Variants in ZNF92 observed in about 807,000 individuals in gnomAD.
The protein encoded by ZNF92 is epididymis luminal protein 203.
ZNF92 carries 11 observed loss-of-function variants against 12.4 expected under a neutral mutation model. The ratio of observed to expected loss-of-function variants is 0.89; its 90% CI spans 0.56 to 1.47. The LOEUF (loss-of-function observed/expected upper bound fraction) is 1.47. Ranked by LOEUF, ZNF92 falls within the 40% of genes most tolerant of loss-of-function variation. The pLI, the probability that ZNF92 is intolerant of heterozygous loss-of-function variation, is 0.00. For missense variants in ZNF92, 622 were observed against 681.0 expected (o/e 0.91, Z 0.96); for synonymous variants, 206 against 228.6 (o/e 0.90, Z 0.89).
intron 1 of ZNF92, among the ~76,000 whole-genome samples, chr7:65,387,402 T>TC (rs1420765258): frequency 1.3e-5 from 2 of 151,896 alleles, no homozygotes; most frequent in Non-Finnish European, 2.9e-5. Context: ...CCCACACTCC[T>TC]CCCCCTTACT....
Position 65,398,817 on chromosome 7 carries a change from G to A in ZNF92, c.703G>A (p.Gly235Ser). The change falls in exon 4 of 4, where the codon GGC becomes AGC. Residue 235 changes from glycine (G) to serine (S), a missense_variant. Physicochemically the swap from Gly to Ser is moderately conservative, Grantham distance 56 (BLOSUM62 0). Transcript: ENST00000328747. Reference sequence around the variant, plus strand: ...AAAACCCTACAAATGTGAAGAATGTGGCAAAGCTTTTAACCGGTCCTCAAA... The same window carrying A: ...AAAACCCTACAAATGTGAAGAATGTAGCAAAGCTTTTAACCGGTCCTCAAA... The part of the protein sequence containing the change: ...GEKPYKCEEC[G>S]KAFNRSSNLT... 6.2e-7 allele frequency: 1 copy of A among 1,612,764 alleles called. No individual in the cohort carries two copies. The highest frequency in any genetic ancestry group is 1.1e-5 in the South Asian group (1 of 90,984).
At chr7:65,379,684 C>T (rs2116341572) in intron 1 of ZNF92, among the ~76,000 whole-genome samples, 1 of 152,174 alleles carries the variant, frequency 6.6e-6, no homozygotes, top group East Asian at 1.9e-4. Context: ...CTGGCATATC[C>T]CCACCTCCAC....
intron 1 of ZNF92, among the ~76,000 whole-genome samples, chr7:65,379,856 C>G (rs1793356580): frequency 6.6e-6 from 1 of 152,236 alleles, no homozygotes; most frequent in South Asian, 2.1e-4. Context: ...CACTCTCCCC[C>G]ACCCATGGAT....
rs2116423797 is a variant in ZNF92 at position 65,400,948 on chromosome 7, GAA to G, written c.*1074_*1075del. ...AGAGATGCTCTTTGTGATTAACTTA[GAA>G]TATTAAGTGCTACTTGAGGTACATG... On this transcript the variant is annotated 3_prime_UTR_variant, in exon 4 of 4. Transcript: ENST00000328747. The G allele has an allele frequency of 6.6e-6, 1 of 152,064 alleles. No homozygotes were observed. The highest frequency in any genetic ancestry group is 2.4e-5 in the African/African-American group (1 of 41,530). 9.4% of individuals were successfully genotyped at this position (152,064 alleles called of 1,614,324 possible).
chr7:65,394,518 T>A (rs886621456), intron 3 of ZNF92, among the ~76,000 whole-genome samples: 1 of 152,162 alleles, frequency 6.6e-6, no homozygotes, highest in Non-Finnish European at 1.5e-5. Flanking sequence ...GTTTGGATAG[T>A]TATAGATTTT....
chr7:65,376,416 T>C (rs189357455), intron 1 of ZNF92, among the ~76,000 whole-genome samples: 1 of 152,186 alleles, frequency 6.6e-6, no homozygotes, highest in African/African-American at 2.4e-5. Context: ...CTTTTTTGTT[T>C]TTCCCAGAAT....
chr7:65,393,274 A>C (rs965247987), intron 3 of ZNF92, among the ~76,000 whole-genome samples: 1 of 152,126 alleles, frequency 6.6e-6, no homozygotes, highest in African/African-American at 2.4e-5. Flanking sequence ...AGTATCCATC[A>C]TTTTGTTACT....
chr7:65,389,929 TCACAC>T (rs1793667113), intron 3 of ZNF92, among the ~76,000 whole-genome samples: 1 of 151,924 alleles, frequency 6.6e-6, no homozygotes, highest in Non-Finnish European at 1.5e-5. Flanking sequence ...CCTCCCGAGT[TCACAC>T]CATTCTCCTG....
rs560512985 is a variant in ZNF92 at position 65,380,340 on chromosome 7, A to G, written c.3+6340A>G. Among the ~76,000 whole-genome samples the G allele has an allele frequency of 3.9e-5, 6 of 152,122 alleles. No individual in the cohort carries two copies. The South Asian group carries it at 1.0e-3, about 26-fold the overall frequency. On this transcript the variant is annotated intron_variant, in intron 1 of 3. Coordinates refer to ENST00000328747, the MANE Select transcript of ZNF92 (RefSeq NM_152626.4). ...CAGTGGTGTGATCTTGGCTCACTGC[A>G]GCCTCAATCTCAATCTCCTGGGCTC...
rs114015404 is a variant in ZNF92, at chr7:65,380,215, A to G, written c.3+6215A>G. On this transcript the variant is annotated intron_variant, in intron 1 of 3. Transcript: ENST00000328747. ...TCTTGTTCTTGTTTTATGGCCACAC[A>G]ATATTCCACTATTTTTATGTACCAT... Among the ~76,000 whole-genome samples, 134 of 152,216 alleles carry G rather than the reference A, an allele frequency of 8.8e-4. 1 individual carries two copies. The highest frequency in any genetic ancestry group is 3.0e-3 in the African/African-American group (126 of 41,538).
intron 1 of ZNF92, among the ~76,000 whole-genome samples, chr7:65,387,247 T>C (rs746688415): frequency 9.2e-5 from 14 of 152,242 alleles, no homozygotes; most frequent in South Asian, 8.3e-4. Context: ...CAGCCAGTTA[T>C]TAAGTATCTT....
chr7:65,375,188 G>C (rs1793206526), intron 1 of ZNF92, among the ~76,000 whole-genome samples: 1 of 151,920 alleles, frequency 6.6e-6, no homozygotes, highest in Non-Finnish European at 1.5e-5. Context: ...GAATGTTTTT[G>C]GGTCATGGTT....
At chr7:65,393,651 C>T (rs1333423972) in intron 3 of ZNF92, among the ~76,000 whole-genome samples, 1 of 151,324 alleles carries the variant, frequency 6.6e-6, no homozygotes, top group Admixed American at 6.6e-5. Flanking sequence ...ATTGCATCAA[C>T]AGATTTGGTG....
At chr7:65,393,060 C>G (rs938216659) in intron 3 of ZNF92, among the ~76,000 whole-genome samples, 16 of 152,160 alleles carry the variant, frequency 1.1e-4, no homozygotes, top group African/African-American at 3.9e-4. Flanking sequence ...CTCCAAAAAG[C>G]TGTACATTTC....
Position 65,386,000 on chromosome 7 carries a change from T to C in ZNF92, c.4-1902T>C, listed in dbSNP as rs141161982. ...TAACTACTGTAAAAAATTTTCATTA[T>C]AGTCAAGTATCTGAAAAATTTTTAT... On this transcript the variant is annotated intron_variant, in intron 1 of 3. Transcript: ENST00000328747. 6.4e-3 allele frequency among the ~76,000 whole-genome samples: 975 copies of C among 152,134 alleles called. 19 individuals carry two copies. Among genetic ancestry groups the C allele is most frequent in the African/African-American group, 0.022 (927 of 41,494 alleles).
chr7:65,374,589 A>G (rs1157289661), intron 1 of ZNF92, among the ~76,000 whole-genome samples: 1 of 152,002 alleles, frequency 6.6e-6, no homozygotes, highest in Non-Finnish European at 1.5e-5. Flanking sequence ...GTCGTTTTTT[A>G]ATTTGTATGA....
At chr7:65,390,463 C>T (rs1793682938) in intron 3 of ZNF92, among the ~76,000 whole-genome samples, 1 of 152,078 alleles carries the variant, frequency 6.6e-6, no homozygotes, top group Admixed American at 6.6e-5. Flanking sequence ...ATGGGATGCC[C>T]TCTGGGTTTG....
Position 65,399,907 on chromosome 7 carries a change from A to G in ZNF92, c.*32A>G, listed in dbSNP as rs765854417. 34 of 1,510,876 alleles carry G rather than the reference A, an allele frequency of 2.3e-5. No homozygotes were observed. Among genetic ancestry groups the G allele is most frequent in the African/African-American group, 1.1e-4 (8 of 71,588 alleles). The allele number at this position is 1,510,876 out of a possible 1,614,324, so 93.6% of individuals were successfully genotyped here. ...TGACAATGATTTTCACTACACCTCA[A>G]ACTTTTCTAAACATAAACCATATTG... On this transcript the variant is annotated 3_prime_UTR_variant, in exon 4 of 4. Transcript: ENST00000328747.
At chr7:65,386,461 C>G (rs2116365398) in intron 1 of ZNF92, among the ~76,000 whole-genome samples, 1 of 152,040 alleles carries the variant, frequency 6.6e-6, no homozygotes, top group Non-Finnish European at 1.5e-5. Flanking sequence ...CTCAAGATTC[C>G]TATTGGGGAA....
Sources: allele counts gnomAD v4.1 joint callset (sites outside exome capture counted in the v4.1 genomes callset), GRCh38; gene constraint gnomAD v4.1.1; transcripts MANE v1.5; gene names NCBI Gene and HGNC (gene_info 2026-07-23, HGNC 2026-07-21).